The following PRDM4 variants were observed in gnomAD, a reference collection of about 807,000 sequenced individuals.
PRDM4 encodes the protein PR/SET domain 4, also known as PR domain zinc finger protein 4.
Under a neutral mutation model 62.3 loss-of-function variants are expected in PRDM4, and 38 were observed. The observed-to-expected ratio is 0.61, with a 90% CI of 0.47 to 0.80. The LOEUF (loss-of-function observed/expected upper bound fraction) is 0.80, where lower values mean the gene tolerates loss of function less well. PRDM4 is among the 30% of genes least tolerant of loss of function. PRDM4 has a pLI of 0.00. For missense variants in PRDM4, 858 were observed against 997.1 expected (o/e 0.86, Z 1.88); for synonymous variants, 339 against 348.2 (o/e 0.97, Z 0.30).
chr12:107,755,564 T>G (rs777319507), intron 3 of PRDM4, among the ~76,000 whole-genome samples: 1 of 152,236 alleles, frequency 6.6e-6, no homozygotes, highest in African/African-American at 2.4e-5. Flanking sequence ...ATTTAACTGC[T>G]GCATTTTATT....
chr12:107,754,172 A>G, intron 3 of PRDM4, 63 bp from the exon 4 acceptor site: 1 of 1,305,412 alleles, frequency 7.7e-7, no homozygotes, highest in Non-Finnish European at 1.0e-6. Context: ...TCTCACTACA[A>G]CCACTGGCTA....
At position 107,734,527 on chromosome 12, in the gene PRDM4, G is replaced by C. The variant is rs950491554; in HGVS notation, c.2094-5C>G. Reference sequence around the variant, plus strand: ...GGACACTTGATCTGGCGTTCTCTAAGAGGAACACAAGAAAAAACATTTGAT... The same window carrying C: ...GGACACTTGATCTGGCGTTCTCTAACAGGAACACAAGAAAAAACATTTGAT... On this transcript the variant is annotated splice_polypyrimidine_tract_variant and splice_region_variant and intron_variant, in intron 11 of 11. Transcript: ENST00000228437. The C allele has an allele frequency of 6.2e-7, 1 of 1,603,780 alleles. No individual in the cohort carries two copies. The highest frequency in any genetic ancestry group is 8.5e-7 in the Non-Finnish European group (1 of 1,174,614).
intron 7 of PRDM4, among the ~76,000 whole-genome samples, chr12:107,743,781 T>C (rs147560807): frequency 6.6e-6 from 1 of 152,288 alleles, no homozygotes; most frequent in Non-Finnish European, 1.5e-5. Flanking sequence ...CCAATAGATA[T>C]CTATGTGAAA....
chr12:107,740,998 G>A lies in PRDM4; in HGVS notation c.1872C>T (p.Ser624=), dbSNP rs1035527710. 1.1e-5 allele frequency: 18 copies of A among 1,614,038 alleles called. No individual in the cohort carries two copies. The highest frequency in any genetic ancestry group is 1.4e-5 in the Non-Finnish European group (16 of 1,180,040). ...GGTTGCTGGGATCACTAAAAGCCTT[G>A]CTACAGAAATCACACTTGTGGGGCT... ...GMKPHKCDFC[S]KAFSDPSNLR... is the part of the protein sequence containing the mutation. Residue 624 remains serine (S), a synonymous_variant, in exon 10 of 12, where the codon AGC becomes AGT. Transcript: ENST00000228437.
At position 107,734,248 on chromosome 12, in the gene PRDM4, C is replaced by T; in HGVS notation, c.2368G>A (p.Val790Met). ...GAAAGAGACTCATCCGCTGAATACA[C>T]AGCACTGTTAATCCTACAGTCTTCT... ...GTEDCRINSA[V>M]YSADESLSAH... The change falls in exon 12 of 12, where the codon GTG becomes ATG. Residue 790 changes from valine to methionine, a missense_variant. Around this residue, in one of 3 missense-constraint regions of PRDM4, gnomAD observed 355 missense variants for 432.6 expected, o/e 0.82. Transcript: ENST00000228437. 1.2e-6 allele frequency: 2 copies of T among 1,614,038 alleles called. No homozygotes were observed. The highest frequency in any genetic ancestry group is 1.1e-5 in the South Asian group (1 of 91,036).
rs1890250237 is a variant in PRDM4, at chr12:107,734,111, A to T, written c.*99T>A. On this transcript the variant is annotated 3_prime_UTR_variant, in exon 12 of 12. Transcript: ENST00000228437. Reference sequence around the variant, plus strand: ...TGTTTTGATTACTGGCTGAAAATAAATCAGGAACCATTTTATATAAAAACC... The same window carrying T: ...TGTTTTGATTACTGGCTGAAAATAATTCAGGAACCATTTTATATAAAAACC... 4 of 1,280,112 alleles carry T rather than the reference A, an allele frequency of 3.1e-6. No homozygotes were observed. In the East Asian group the frequency reaches 9.4e-5, roughly 30 times the overall value. The allele number at this position is 1,280,112 out of a possible 1,614,324, so 79.3% of individuals were successfully genotyped here.
chr12:107,748,692 A>C (rs1319209485), intron 5 of PRDM4, among the ~76,000 whole-genome samples: 2 of 152,254 alleles, frequency 1.3e-5, no homozygotes, highest in Non-Finnish European at 2.9e-5. Context: ...GGGAATGGGA[A>C]GTGACTAATG....
At position 107,760,688 on chromosome 12, in the gene PRDM4, C is replaced by A. The variant is rs1891217300; in HGVS notation, c.-173G>T. On this transcript the variant is annotated 5_prime_UTR_variant, in exon 2 of 12. Transcript: ENST00000228437. The stretch of plus-strand genomic sequence containing the variant: ...CCCAACTTCTCCCGAGGGCCGGTGG[C>A]CGTGCACCCCGCCACGGGTTGGGGC... 4 of 690,412 alleles carry A rather than the reference C, an allele frequency of 5.8e-6. No homozygotes were observed. The highest frequency in any genetic ancestry group is 9.6e-6 in the Non-Finnish European group (4 of 418,766). The allele number at this position is 690,412 out of a possible 1,614,324, so 42.8% of individuals were successfully genotyped here.
In PRDM4 at chr12:107,751,979, A is replaced by G. The variant is rs774953518; in HGVS notation, c.562T>C (p.Leu188=). Residue 188 remains leucine, a synonymous_variant, in exon 5 of 12, where the codon TTG becomes CTG. Coordinates refer to ENST00000228437, the MANE Select transcript of PRDM4 (RefSeq NM_012406.4). ...LHPSDGHEVA[L]DTAITMENVS... Reference sequence around the variant, plus strand: ...TTCTCCATAGTGATTGCTGTGTCCAAGGCCACCTCATGGCCATCACTGGGA... The same window carrying G: ...TTCTCCATAGTGATTGCTGTGTCCAGGGCCACCTCATGGCCATCACTGGGA... 1 of 1,614,234 alleles carries G rather than the reference A, an allele frequency of 6.2e-7. No individual in the cohort carries two copies. The highest frequency in any genetic ancestry group is 8.5e-7 in the Non-Finnish European group (1 of 1,180,040).
At chr12:107,758,174 G>C (rs1393043378) in intron 2 of PRDM4, 2 of 150,860 alleles carry the variant, frequency 1.3e-5, no homozygotes, top group Admixed American at 1.3e-4. Context: ...AAAATTTATG[G>C]CTCCCTTACC....
intron 5 of PRDM4, among the ~76,000 whole-genome samples, chr12:107,748,891 AT>A (rs906715867): frequency 3.0e-4 from 46 of 152,298 alleles, no homozygotes; most frequent in African/African-American, 1.1e-3. Context: ...AAAAAAATCA[AT>A]AAGCTTATTT....
At chr12:107,744,043 G>C (rs1370341154) in intron 7 of PRDM4, among the ~76,000 whole-genome samples, 1 of 152,042 alleles carries the variant, frequency 6.6e-6, no homozygotes, top group African/African-American at 2.4e-5. Context: ...GAGCCCAGGA[G>C]GTAGAGGTGG....
rs1002862321 is a variant in PRDM4, at chr12:107,742,916, C to T, written c.1481+281G>A. On this transcript the variant is annotated intron_variant, in intron 8 of 11. Transcript: ENST00000228437. ...GAGCTGGGACTACATGCATATACCA[C>T]AACACCCAGCTAATTTGAAAAAAAC... Among the ~76,000 whole-genome samples, 21 of 152,088 alleles carry T rather than the reference C, an allele frequency of 1.4e-4. No homozygotes were observed. In the East Asian group the frequency reaches 3.9e-3, roughly 28 times the overall value.
chr12:107,753,874 A>T, intron 4 of PRDM4, 50 bp downstream of exon 4: 1 of 1,530,712 alleles, frequency 6.5e-7, no homozygotes, highest in Non-Finnish European at 8.9e-7. Flanking sequence ...AAAGTTTAAA[A>T]GCTGGCGCCG....
At chr12:107,749,396 CTTT>C (rs56295338) in intron 5 of PRDM4, among the ~76,000 whole-genome samples, 6 of 130,106 alleles carry the variant, frequency 4.6e-5, no homozygotes, top group Non-Finnish European at 3.2e-5. Flanking sequence ...TTTCTGTTTG[CTTT>C]TTTTTTTTTT....
chr12:107,741,593 C>A (rs905618363), intron 9 of PRDM4, among the ~76,000 whole-genome samples: 2 of 152,062 alleles, frequency 1.3e-5, no homozygotes, highest in Non-Finnish European at 2.9e-5. Flanking sequence ...GTGATGTACA[C>A]CCATAGTCCT....
chr12:107,754,334 A>T (rs1890996242), intron 3 of PRDM4, among the ~76,000 whole-genome samples: 1 of 152,200 alleles, frequency 6.6e-6, no homozygotes, highest in African/African-American at 2.4e-5. Context: ...CGGCAAGTTG[A>T]TACTCCAATT....
In PRDM4 at chr12:107,734,272, C is replaced by G; in HGVS notation, c.2344G>C (p.Glu782Gln). The G allele has an allele frequency of 6.2e-7, 1 of 1,614,224 alleles. No homozygotes were observed. The highest frequency in any genetic ancestry group is 8.5e-7 in the Non-Finnish European group (1 of 1,180,028). The change falls in exon 12 of 12, where the codon GAA (glutamate) becomes CAA (glutamine). Residue 782 changes from glutamate to glutamine, a missense_variant. Physicochemically the swap from Glu to Gln is conservative, Grantham distance 29. Around this residue, in one of 3 missense-constraint regions of PRDM4, gnomAD observed 355 missense variants for 432.6 expected, o/e 0.82. Transcript: ENST00000228437. ...ACAGCACTGTTAATCCTACAGTCTT[C>G]TGTCCCCACAGAGTCTGCTAGATCT... ...EEDLADSVGT[E>Q]DCRINSAVYS...
intron 10 of PRDM4, among the ~76,000 whole-genome samples, chr12:107,740,442 G>T (rs1347260495): frequency 6.6e-6 from 1 of 152,082 alleles, no homozygotes; most frequent in Non-Finnish European, 1.5e-5. Flanking sequence ...AACCAAGATG[G>T]TGTCACTGTA....
Sources: allele counts gnomAD v4.1 joint callset (sites outside exome capture counted in the v4.1 genomes callset), GRCh38; gene constraint gnomAD v4.1.1; regional missense constraint gnomAD v4.1.1; transcripts MANE v1.5; gene names NCBI Gene and HGNC (gene_info 2026-07-23, HGNC 2026-07-21).